The following SH2D6 variants were observed in gnomAD, a reference collection of about 807,000 sequenced individuals.
The protein encoded by SH2D6 is SH2 domain containing 6.
SH2D6 carries 31 observed loss-of-function variants against 30.2 expected under a neutral mutation model. The observed-to-expected ratio is 1.03, with a 90% CI of 0.77 to 1.38. SH2D6 has a LOEUF of 1.38. Among genes scored for constraint, SH2D6 ranks in the 40% most tolerant of loss-of-function variants. SH2D6 has a pLI of 0.00. For synonymous variants in SH2D6, 93 were observed against 104.6 expected, an observed-to-expected ratio of 0.89 and a Z score of 0.68; for missense variants, 240 against 266.8, an observed-to-expected ratio of 0.90 and a Z score of 0.70.
Position 85,435,660 on chromosome 2 carries a change from C to T in SH2D6, c.733-6C>T. The T allele has an allele frequency of 3.1e-6, 5 of 1,594,694 alleles. No individual in the cohort carries two copies. Among genetic ancestry groups the T allele is most frequent in the Non-Finnish European group, 4.3e-6 (5 of 1,169,764 alleles). On this transcript the variant is annotated splice_polypyrimidine_tract_variant and splice_region_variant and intron_variant, in intron 21 of 23. Coordinates refer to ENST00000469800, the MANE Select transcript of SH2D6 (RefSeq NM_001394463.1). ...ATGAGGTTGATGGCTGGGGTCTCCT[C>T]CACAGGATGGGGCCTATACCGTGCG...
chr2:85,427,364 C>T (rs1490861929), intron 6 of SH2D6, among the ~76,000 whole-genome samples: 2 of 152,218 alleles, frequency 1.3e-5, no homozygotes, highest in Admixed American at 6.5e-5. Flanking sequence ...AGAGAATGTC[C>T]CAATCTGCCT....
rs1687836930 is a variant in SH2D6 at position 85,423,631 on chromosome 2, A to C, written c.-309+941A>C. 2.0e-5 allele frequency among the ~76,000 whole-genome samples: 3 copies of C among 152,226 alleles called. No homozygotes were observed. The South Asian group carries it at 6.2e-4, about 31-fold the overall frequency. On this transcript the variant is annotated intron_variant, in intron 5 of 23. Coordinates refer to ENST00000469800, the MANE Select transcript of SH2D6 (RefSeq NM_001394463.1). ...CTGTGGCAAGAAATGATTGTGCACC[A>C]GGGAGGGATGGGGCAGAGGCCTCTC... is the stretch of plus-strand genomic sequence containing the variant.
rs568951491 is a variant in SH2D6, at chr2:85,425,842, A to G, written c.-209+435A>G. Among the ~76,000 whole-genome samples the G allele has an allele frequency of 1.4e-4, 22 of 151,920 alleles. No individual in the cohort carries two copies. The South Asian group carries it at 4.2e-3, about 29-fold the overall frequency. On this transcript the variant is annotated intron_variant, in intron 6 of 23. Transcript: ENST00000469800. ...CTGGAAACAGGATTTGGCTGTCACC[A>G]CCCTCCCAGGGTGCATTTTTCTTGG...
At chr2:85,433,367 A>G (rs1332979338) in intron 15 of SH2D6, among the ~76,000 whole-genome samples, 2 of 152,220 alleles carry the variant, frequency 1.3e-5, no homozygotes, top group African/African-American at 4.8e-5. Flanking sequence ...CTGAAGGGGA[A>G]GGTGCTCGTG....
chr2:85,419,563 G>A (rs983173386), intron 2 of SH2D6, among the ~76,000 whole-genome samples: 4 of 152,192 alleles, frequency 2.6e-5, no homozygotes, highest in African/African-American at 9.6e-5. Context: ...GGAGACTCAG[G>A]TTACACCTGT....
chr2:85,432,311 G>A (rs926532312), intron 14 of SH2D6, among the ~76,000 whole-genome samples: 40 of 150,480 alleles, frequency 2.7e-4, no homozygotes, highest in African/African-American at 9.6e-4. Flanking sequence ...GCAGTGGCAC[G>A]ATCTTGGCTC....
At chr2:85,434,630 A>AT in intron 19 of SH2D6, 133 bp downstream of exon 19, 2 of 1,371,590 alleles carry the variant, frequency 1.5e-6, no homozygotes, top group East Asian at 5.0e-5. Flanking sequence ...AAAAAAAAAA[A>AT]AAAAACTAGG....
At chr2:85,433,475 C>A in intron 15 of SH2D6, 96 bp from the exon 16 acceptor site, 2 of 527,860 alleles carry the variant, frequency 3.8e-6, no homozygotes, top group Non-Finnish European at 2.4e-6. Flanking sequence ...GCCTGCCACC[C>A]CTTCAAATCG....
intron 5 of SH2D6, among the ~76,000 whole-genome samples, chr2:85,423,310 C>T (rs1175245966): frequency 2.0e-5 from 3 of 152,248 alleles, no homozygotes; most frequent in Non-Finnish European, 4.4e-5. Flanking sequence ...CGGCTCACTG[C>T]AACTCCCACC....
intron 21 of SH2D6, 48 bp downstream of exon 21, chr2:85,435,544 C>A: frequency 6.2e-7 from 1 of 1,602,208 alleles, no homozygotes; most frequent in Non-Finnish European, 8.5e-7. Context: ...CTTTTGCTCA[C>A]AGGCTGTGGC....
At chr2:85,420,976 A>G (rs138036399) in intron 2 of SH2D6, 55 of 152,528 alleles carry the variant, frequency 3.6e-4, no homozygotes, top group African/African-American at 1.2e-3. Context: ...CTGTTGGTAA[A>G]AGGGAGGGAG....
At chr2:85,419,528 T>A (rs1687669443) in intron 2 of SH2D6, among the ~76,000 whole-genome samples, 1 of 152,194 alleles carries the variant, frequency 6.6e-6, no homozygotes, top group African/African-American at 2.4e-5. Context: ...AGGCCTCTTC[T>A]CAGCTGATTT....
intron 5 of SH2D6, among the ~76,000 whole-genome samples, chr2:85,424,833 C>G (rs1186464089): frequency 6.6e-6 from 1 of 151,682 alleles, no homozygotes; most frequent in African/African-American, 2.4e-5. Flanking sequence ...TTTGGGAGGC[C>G]GAGGCAGGTG....
At chr2:85,424,013 A>G (rs1017730620) in intron 5 of SH2D6, among the ~76,000 whole-genome samples, 4 of 152,184 alleles carry the variant, frequency 2.6e-5, no homozygotes, top group Admixed American at 6.5e-5. Flanking sequence ...TCTTCTCCAC[A>G]TGCAGCTCCC....
In SH2D6 at chr2:85,430,200, G is replaced by A. The variant is rs1324888592; in HGVS notation, c.65-164G>A. Among the ~76,000 whole-genome samples the A allele has an allele frequency of 6.6e-6, 1 of 152,176 alleles. No individual in the cohort carries two copies. The highest frequency in any genetic ancestry group is 1.9e-4 in the East Asian group (1 of 5,198). ...CAGGGGACAGGGGATGGGCATAGGT[G>A]GAAGGGCCCCTTGTTTCCAGACTGC... On this transcript the variant is annotated intron_variant, in intron 10 of 23. Coordinates refer to ENST00000469800, the MANE Select transcript of SH2D6 (RefSeq NM_001394463.1). The surrounding 1 kb of genome is among the most constrained non-coding windows in gnomAD (Gnocchi z 4.3).
In SH2D6 at chr2:85,422,948, C is replaced by T. The variant is rs142682460; in HGVS notation, c.-309+258C>T. 3.3e-5 allele frequency among the ~76,000 whole-genome samples: 5 copies of T among 152,358 alleles called. No individual in the cohort carries two copies. The East Asian group carries it at 9.6e-4, about 29-fold the overall frequency. The stretch of plus-strand genomic sequence containing the variant: ...TGTCACCCAGGCTGGAGTGCAATGG[C>T]ACGATCTCGGCTCACTGCAACCTGC... On this transcript the variant is annotated intron_variant, in intron 5 of 23. Coordinates refer to ENST00000469800, the MANE Select transcript of SH2D6 (RefSeq NM_001394463.1).
chr2:85,424,833 C>T (rs1186464089), intron 5 of SH2D6, among the ~76,000 whole-genome samples: 6 of 151,682 alleles, frequency 4.0e-5, no homozygotes, highest in Non-Finnish European at 8.8e-5. Flanking sequence ...TTTGGGAGGC[C>T]GAGGCAGGTG....
At chr2:85,435,299 G>T in intron 20 of SH2D6, 114 bp from the exon 21 acceptor site, 1 of 1,315,026 alleles carries the variant, frequency 7.6e-7, no homozygotes, top group Non-Finnish European at 1.1e-6. Flanking sequence ...TGCCTGAGGG[G>T]GACTCAGTTG....
Position 85,435,795 on chromosome 2 carries a change from C to T in SH2D6, c.862C>T (p.Leu288=), listed in dbSNP as rs772491442. The change falls in exon 22 of 24, where the codon CTG becomes TTG. Residue 288 remains leucine, a synonymous_variant. Transcript: ENST00000469800. ...RRLDGGRHYA[L]GREGRNREEL... ...GCTGGATGGCGGACGCCACTATGCCCTGGGCCGGGAGGGCAGGAACCGTGA... is the reference window on the plus strand; with the variant it reads ...GCTGGATGGCGGACGCCACTATGCCTTGGGCCGGGAGGGCAGGAACCGTGA... 10 of 1,601,828 alleles carry T rather than the reference C, an allele frequency of 6.2e-6. No individual in the cohort carries two copies. In the East Asian group the frequency reaches 1.4e-4, roughly 22 times the overall value.
Sources: gnomAD v4.1 joint callset for allele counts (sites outside exome capture counted in the v4.1 genomes callset) on GRCh38, gnomAD v4.1.1 for gene constraint, Gnocchi (gnomAD v3.1) non-coding constraint, MANE v1.5 for transcripts, NCBI Gene and HGNC (gene_info 2026-07-23, HGNC 2026-07-21) for gene names.